Variants in FLT4 observed in about 807,000 individuals in gnomAD.
FLT4 encodes the protein fms related receptor tyrosine kinase 4.
Under a neutral mutation model 163.2 loss-of-function variants are expected in FLT4, and 30 were observed. The observed-to-expected ratio is 0.18, with a 90% CI of 0.14 to 0.25. The LOEUF is 0.25. FLT4 is among the 10% of genes least tolerant of loss of function. FLT4 has a pLI of 1.00. For synonymous variants in FLT4, 884 were observed against 789.5 expected, an observed-to-expected ratio of 1.12 and a Z score of -2.01; for missense variants, 1,510 against 1,863.8, an observed-to-expected ratio of 0.81 and a Z score of 3.50.
intron 7 of FLT4, 124 bp downstream of exon 7, chr5:180,629,135 G>A: frequency 8.2e-6 from 12 of 1,456,110 alleles, no homozygotes; most frequent in Non-Finnish European, 1.1e-5. Context: ...CGGTGCAGGA[G>A]CTGGGCAGCT....
rs1003712056 is a variant in FLT4, at chr5:180,636,076, T to C, written c.59-4298A>G. Reference sequence around the variant, plus strand: ...AAGGGTGGATGGGGAGAGGAGTCTGTAGGAGCTTCCTCCTGAAGGCACCGT... The same window carrying C: ...AAGGGTGGATGGGGAGAGGAGTCTGCAGGAGCTTCCTCCTGAAGGCACCGT... On this transcript the variant is annotated intron_variant, in intron 1 of 29. Coordinates refer to ENST00000261937, the MANE Select transcript of FLT4 (RefSeq NM_182925.5). This position sits in a 1 kb window ranked among gnomAD's most constrained non-coding sequence, Gnocchi z 4.3. Among the ~76,000 whole-genome samples the C allele has an allele frequency of 3.9e-5, 6 of 152,040 alleles. No individual in the cohort carries two copies. In the East Asian group the frequency reaches 1.2e-3, roughly 29 times the overall value.
At chr5:180,619,231 C>A in intron 19 of FLT4, 22 bp downstream of exon 19, 1 of 1,564,654 alleles carries the variant, frequency 6.4e-7, no homozygotes, top group Non-Finnish European at 8.7e-7. Flanking sequence ...CTCGCCGTCC[C>A]AGCGGGCCGC....
At chr5:180,628,446 C>T (rs1561734438) in intron 8 of FLT4, among the ~76,000 whole-genome samples, 1 of 152,234 alleles carries the variant, frequency 6.6e-6, no homozygotes, top group African/African-American at 2.4e-5. Flanking sequence ...CCAGCCCAGG[C>T]AATCTGTCAA....
intron 29 of FLT4, among the ~76,000 whole-genome samples, chr5:180,604,139 C>T (rs1761665142): frequency 6.6e-6 from 1 of 152,128 alleles, no homozygotes; most frequent in Non-Finnish European, 1.5e-5. Flanking sequence ...AACAGCAAAG[C>T]GGATCGATCT....
intron 19 of FLT4, 70 bp downstream of exon 19, chr5:180,619,183 C>T (rs1311212363): frequency 3.8e-6 from 5 of 1,312,180 alleles, no homozygotes; most frequent in South Asian, 1.9e-5. Context: ...CGTTTGCACC[C>T]GCGCCCCCTC....
intron 29 of FLT4, among the ~76,000 whole-genome samples, chr5:180,604,447 C>T (rs1054995915): frequency 3.9e-5 from 6 of 152,210 alleles, no homozygotes; most frequent in Admixed American, 1.3e-4. Context: ...GGCTCTGTGA[C>T]ATCCTCCCGC....
chr5:180,619,069 G>A lies in FLT4; in HGVS notation c.2802C>T (p.Asn934=), dbSNP rs1195551277. ...GCTTGGCGCGCAGGAAGTTGGAGAG[G>A]TTGCCGTACTTGCAGAACTCCACGA... ...MVIVEFCKYG[N]LSNFLRAKRD... The change falls in exon 20 of 30, where the codon AAC becomes AAT. Residue 934 remains asparagine, a synonymous_variant. Coordinates refer to ENST00000261937, the MANE Select transcript of FLT4 (RefSeq NM_182925.5). The A allele has an allele frequency of 3.2e-6, 5 of 1,561,288 alleles. No homozygotes were observed. Among genetic ancestry groups the A allele is most frequent in the Middle Eastern group, 1.7e-4 (1 of 5,860 alleles).
chr5:180,608,120 C>G (rs745354745), intron 29 of FLT4: 1 of 700,478 alleles, frequency 1.4e-6, no homozygotes. Flanking sequence ...TGGTCACACT[C>G]CTTGTCCACT....
rs1474624200 is a variant in FLT4 at position 180,628,910 on chromosome 5, CCAGCTTCACGGG to C, written c.1063_1074del (p.Pro355_Leu358del). 1 of 1,612,330 alleles carries C rather than the reference CCAGCTTCACGGG, an allele frequency of 6.2e-7. No individual in the cohort carries two copies. Among genetic ancestry groups the C allele is most frequent in the African/African-American group, 1.3e-5 (1 of 74,922 alleles). On this transcript the variant is annotated inframe_deletion, in exon 8 of 30. Coordinates refer to ENST00000261937, the MANE Select transcript of FLT4 (RefSeq NM_182925.5). ...TGGAACTCGGGCGGGGGGTACGCTGCCAGCTTCACGGGCAGCTTCACCAGCTCGTCTCCTGCC... is the reference window on the plus strand; with the variant it reads ...TGGAACTCGGGCGGGGGGTACGCTGCCAGCTTCACCAGCTCGTCTCCTGCC...
chr5:180,602,490 G>T lies in FLT4; in HGVS notation c.*702C>A. On this transcript the variant is annotated 3_prime_UTR_variant, in exon 30 of 30. Transcript: ENST00000261937. The stretch of plus-strand genomic sequence containing the variant: ...CAAATTCTTCTCAGCAGCTCTAACA[G>T]TCTGTGAAGTTCTGTTGAAAAAGAC... 2.5e-6 allele frequency: 1 copy of T among 398,594 alleles called. No individual in the cohort carries two copies. Among genetic ancestry groups the T allele is most frequent in the Non-Finnish European group, 4.4e-6 (1 of 226,488 alleles). 24.7% of individuals were successfully genotyped at this position (398,594 alleles called of 1,614,324 possible).
rs1172150966 is a variant in FLT4, at chr5:180,621,617, C to T, written c.1945G>A (p.Gly649Ser). 2.5e-6 allele frequency: 4 copies of T among 1,606,910 alleles called. No individual in the cohort carries two copies. Residue 649 changes from glycine to serine, a missense_variant, in exon 13 of 30, where the codon GGC (glycine) becomes AGC (serine). This residue lies in a region of FLT4 where 878 missense variants were observed against 1,016.7 expected (regional missense o/e 0.86). Transcript: ENST00000261937. ...TCTTGCACTTCGCACACATAGTGGC[C>T]CTCGTGCTCGGGCGCGACGCGGGGG... is the stretch of plus-strand genomic sequence containing the variant. ...SIPRVAPEHE[G>S]HYVCEVQDRR...
upstream of FLT4, chr5:180,649,666 G>T: frequency 3.0e-6 from 1 of 329,286 alleles, no homozygotes; most frequent in Non-Finnish European, 4.6e-6. Flanking sequence ...GCGGGCCCGG[G>T]ATTCAGGCCG....
intron 27 of FLT4, among the ~76,000 whole-genome samples, chr5:180,610,783 C>T (rs369170611): frequency 1.2e-4 from 18 of 152,328 alleles, no homozygotes; most frequent in South Asian, 6.2e-4. Context: ...GCTTGCCGGG[C>T]GCAGTGGCTC....
At chr5:180,615,198 T>C (rs56400262) in intron 23 of FLT4, among the ~76,000 whole-genome samples, 5,270 of 49,788 alleles carry the variant, frequency 0.11, 155 homozygotes, top group East Asian at 0.18. Context: ...TGGGCCCCGC[T>C]GGTCACCTCC....
chr5:180,622,240 C>G (rs781709737), intron 12 of FLT4, among the ~76,000 whole-genome samples: 1 of 152,062 alleles, frequency 6.6e-6, no homozygotes, highest in Non-Finnish European at 1.5e-5. Context: ...CCCCCCAGCC[C>G]CCGGGTGTTC....
chr5:180,649,552 C>T lies in FLT4; in HGVS notation c.-7G>A, dbSNP rs2127879412. The stretch of plus-strand genomic sequence containing the variant: ...GCGCGGCGCCCCGCTGCATCTCCGG[C>T]CGCTGCGCGTGGGTCCGACCCGAGC... On this transcript the variant is annotated 5_prime_UTR_variant, in exon 1 of 30. Transcript: ENST00000261937. The T allele has an allele frequency of 7.0e-7, 1 of 1,431,484 alleles. No homozygotes were observed. 88.7% of individuals were successfully genotyped at this position (1,431,484 alleles called of 1,614,324 possible). A position where few individuals can be genotyped will look rare whatever the true frequency, so the allele number is the denominator to read the frequency against.
rs2127834448 is a variant in FLT4, at chr5:180,629,365, G to A, written c.879C>T (p.Ser293=). The A allele has an allele frequency of 1.2e-6, 2 of 1,612,894 alleles. No homozygotes were observed. The highest frequency in any genetic ancestry group is 1.7e-6 in the Non-Finnish European group (2 of 1,179,986). Residue 293 remains serine, a synonymous_variant, in exon 7 of 30, where the codon AGC becomes AGT. Transcript: ENST00000261937. Reference sequence around the variant, plus strand: ...GGCTGACGTTGTGGATGGTCAGGATGCTGGAGAGTTCTGTGTGGGTCTGCT... The same window carrying A: ...GGCTGACGTTGTGGATGGTCAGGATACTGGAGAGTTCTGTGTGGGTCTGCT... ...RSQQTHTELS[S]ILTIHNVSQH... is the part of the protein sequence containing the mutation.
chr5:180,641,864 G>A (rs550930488), intron 1 of FLT4, among the ~76,000 whole-genome samples: 1 of 152,292 alleles, frequency 6.6e-6, no homozygotes, highest in African/African-American at 2.4e-5. Context: ...TGTGAGATGT[G>A]GATTGGCCCT....
chr5:180,606,915 AC>A lies in FLT4; in HGVS notation c.3893+2052del, dbSNP rs1169633072. Among the ~76,000 whole-genome samples, 38 of 142,510 alleles carry A rather than the reference AC, an allele frequency of 2.7e-4. 1 individual carries two copies. The highest frequency in any genetic ancestry group is 8.7e-4 in the African/African-American group (33 of 37,824). 93.5% of individuals were successfully genotyped at this position (142,510 alleles called of 152,430 possible). On this transcript the variant is annotated intron_variant, in intron 29 of 29. Coordinates refer to ENST00000261937, the MANE Select transcript of FLT4 (RefSeq NM_182925.5). Reference sequence around the variant, plus strand: ...TACTAAAAAAAAAAAAAAAAAAAAAACAAACAAACAAACTTAGCTGGGCGTG... The same window carrying A: ...TACTAAAAAAAAAAAAAAAAAAAAAAAAACAAACAAACTTAGCTGGGCGTG...
Sources: allele counts gnomAD v4.1 joint callset (sites outside exome capture counted in the v4.1 genomes callset), GRCh38; gene constraint gnomAD v4.1.1; regional missense constraint gnomAD v4.1.1; non-coding constraint Gnocchi (gnomAD v3.1); transcripts MANE v1.5; gene names NCBI Gene and HGNC (gene_info 2026-07-23, HGNC 2026-07-21).